DCAF5: variants seen among roughly 807,000 people sequenced by gnomAD.
DCAF5 encodes DDB1- and CUL4-associated factor 5.
DCAF5 carries 9 observed loss-of-function variants against 80.7 expected under a neutral mutation model. The ratio of observed to expected loss-of-function variants is 0.11; its 90% CI spans 0.07 to 0.19. The LOEUF (loss-of-function observed/expected upper bound fraction) is 0.19. Ranked by LOEUF, DCAF5 falls within the 10% of genes least tolerant of loss-of-function variation. The pLI, the probability that DCAF5 is intolerant of heterozygous loss-of-function variation, is 1.00. For synonymous variants in DCAF5, 433 were observed against 461.9 expected (o/e 0.94, Z 0.80); for missense variants, 842 against 1,205.7 (o/e 0.70, Z 4.47).
chr14:69,132,002 C>A (rs1175798639), intron 1 of DCAF5, among the ~76,000 whole-genome samples: 1 of 152,124 alleles, frequency 6.6e-6, no homozygotes, highest in East Asian at 1.9e-4. Flanking sequence ...AATACTATTT[C>A]ATTGTATGTA....
chr14:69,063,067 T>C (rs1456217982), intron 7 of DCAF5, among the ~76,000 whole-genome samples: 2 of 152,180 alleles, frequency 1.3e-5, no homozygotes, highest in Non-Finnish European at 2.9e-5. Flanking sequence ...TTCCCCCCGA[T>C]AGCAGGGAGA....
intron 8 of DCAF5, among the ~76,000 whole-genome samples, chr14:69,059,577 C>G (rs2038123383): frequency 6.6e-6 from 1 of 152,178 alleles, no homozygotes; most frequent in South Asian, 2.1e-4. Flanking sequence ...GACTCAGCGG[C>G]CTTTCAGGAT....
At chr14:69,102,336 C>A (rs1262005981) in intron 5 of DCAF5, among the ~76,000 whole-genome samples, 2 of 151,438 alleles carry the variant, frequency 1.3e-5, no homozygotes, top group African/African-American at 4.8e-5. Flanking sequence ...CTCGAACTCC[C>A]GACCTCAAGT....
In DCAF5 at chr14:69,152,073, G is replaced by A. The variant is rs2041724414; in HGVS notation, c.214+692C>T. On this transcript the variant is annotated intron_variant, in intron 1 of 8. Transcript: ENST00000341516. The surrounding 1 kb of genome is among the most constrained non-coding windows in gnomAD (Gnocchi z 4.1). ...CAAGTTGCGCATTCAAGTTCAGGCT[G>A]GTGCCCTTTAGCCTCCACAGCCCTC... Among the ~76,000 whole-genome samples the A allele has an allele frequency of 6.6e-6, 1 of 152,210 alleles. No homozygotes were observed. Among genetic ancestry groups the A allele is most frequent in the Admixed American group, 6.5e-5 (1 of 15,288 alleles).
intron 1 of DCAF5, among the ~76,000 whole-genome samples, chr14:69,139,345 G>A (rs931541004): frequency 2.0e-5 from 3 of 151,864 alleles, no homozygotes; most frequent in African/African-American, 7.3e-5. Context: ...TTAGCTGGAC[G>A]TGGTGATGCA....
rs997781667 is a variant in DCAF5, at chr14:69,100,825, C to A, written c.666-8938G>T. On this transcript the variant is annotated intron_variant, in intron 5 of 8. Coordinates refer to ENST00000341516, the MANE Select transcript of DCAF5 (RefSeq NM_003861.3). Reference sequence around the variant, plus strand: ...AGCCAAGATTATTATTGAGAGTATACTAAGAAGTCCCTATCTAAAATATGT... The same window carrying A: ...AGCCAAGATTATTATTGAGAGTATAATAAGAAGTCCCTATCTAAAATATGT... Among the ~76,000 whole-genome samples, 10 of 152,104 alleles carry A rather than the reference C, an allele frequency of 6.6e-5. No homozygotes were observed. The East Asian group carries it at 1.9e-3, about 29-fold the overall frequency.
At position 69,123,567 on chromosome 14, in the gene DCAF5, A is replaced by G. The variant is rs991357204; in HGVS notation, c.215-1207T>C. On this transcript the variant is annotated intron_variant, in intron 1 of 8. Transcript: ENST00000341516. ...CATTTTACCCATTTTCAAGTGTACA[A>G]TTCAGTGGCATTAAGTACATTTGTG... Among the ~76,000 whole-genome samples, 4 of 152,342 alleles carry G rather than the reference A, an allele frequency of 2.6e-5. No homozygotes were observed. The East Asian group carries it at 7.7e-4, about 29-fold the overall frequency.
chr14:69,076,930 A>T (rs2038922295), intron 6 of DCAF5, among the ~76,000 whole-genome samples: 1 of 152,202 alleles, frequency 6.6e-6, no homozygotes, highest in South Asian at 2.1e-4. Context: ...TCACCAACAT[A>T]GCCATGAATT....
At chr14:69,061,896 G>A (rs1243060316) in intron 8 of DCAF5, among the ~76,000 whole-genome samples, 1 of 152,164 alleles carries the variant, frequency 6.6e-6, no homozygotes, top group Non-Finnish European at 1.5e-5. Context: ...GTGCATGCCT[G>A]TAGTTCCAGC....
intron 5 of DCAF5, among the ~76,000 whole-genome samples, chr14:69,094,790 A>G (rs1186787261): frequency 3.3e-5 from 5 of 152,116 alleles, no homozygotes; most frequent in African/African-American, 1.2e-4. Context: ...AGGACTTTAA[A>G]AAATGTAGAT....
At chr14:69,077,669 G>A (rs980467656) in intron 6 of DCAF5, among the ~76,000 whole-genome samples, 3 of 152,054 alleles carry the variant, frequency 2.0e-5, no homozygotes, top group Non-Finnish European at 2.9e-5. Flanking sequence ...TAGGCTACAC[G>A]CCTAGCCAGG....
chr14:69,059,527 C>T (rs1437638011), intron 8 of DCAF5, among the ~76,000 whole-genome samples: 1 of 152,222 alleles, frequency 6.6e-6, no homozygotes, highest in African/African-American at 2.4e-5. Context: ...TCACTGTCAG[C>T]ACCCTCACTT....
chr14:69,105,769 C>T (rs1459508675), intron 5 of DCAF5, among the ~76,000 whole-genome samples: 1 of 151,118 alleles, frequency 6.6e-6, no homozygotes, highest in Admixed American at 6.6e-5. Context: ...TGGCATCAGA[C>T]TGAAGCCTCT....
chr14:69,102,497 A>G (rs958835531), intron 5 of DCAF5, among the ~76,000 whole-genome samples: 10 of 149,158 alleles, frequency 6.7e-5, no homozygotes, highest in African/African-American at 2.5e-4. Flanking sequence ...AAACAGGCAC[A>G]TTGTGCAGCT....
chr14:69,142,027 G>A (rs1206972236), intron 1 of DCAF5, among the ~76,000 whole-genome samples: 1 of 152,174 alleles, frequency 6.6e-6, no homozygotes, highest in African/African-American at 2.4e-5. Context: ...AGGTATGGTG[G>A]CTCACATCTG....
chr14:69,077,208 T>C (rs1213682267), intron 6 of DCAF5, among the ~76,000 whole-genome samples: 2 of 152,082 alleles, frequency 1.3e-5, no homozygotes, highest in Non-Finnish European at 1.5e-5. Flanking sequence ...GTTTTCCTTT[T>C]GTGTGTGTGT....
intron 5 of DCAF5, among the ~76,000 whole-genome samples, chr14:69,115,186 CA>C (rs1179954543): frequency 3.3e-5 from 5 of 152,192 alleles, no homozygotes; most frequent in South Asian, 2.1e-4. Context: ...AAAGGCACAT[CA>C]GGGGTCCTGC....
rs1485690452 is a variant in DCAF5 at position 69,051,527 on chromosome 14, A to G, written c.*2330T>C. ...CTAGGATGCTGGGAAGCCTCTGCCA[A>G]GGATGGAAGGCATACTTGCTAAAAA... is the stretch of plus-strand genomic sequence containing the variant. On this transcript the variant is annotated 3_prime_UTR_variant, in exon 9 of 9. Coordinates refer to ENST00000341516, the MANE Select transcript of DCAF5 (RefSeq NM_003861.3). The G allele has an allele frequency of 1.3e-5, 2 of 152,212 alleles. No homozygotes were observed. Among genetic ancestry groups the G allele is most frequent in the East Asian group, 3.9e-4 (2 of 5,188 alleles). The allele number at this position is 152,212 out of a possible 1,614,324, so 9.4% of individuals were successfully genotyped here. A position where few individuals can be genotyped will look rare whatever the true frequency, so the allele number is the denominator to read the frequency against.
intron 7 of DCAF5, among the ~76,000 whole-genome samples, chr14:69,074,520 T>G (rs2038825944): frequency 6.6e-6 from 1 of 152,146 alleles, no homozygotes; most frequent in African/African-American, 2.4e-5. Flanking sequence ...AGAATACAAT[T>G]ATAGCAAATG....
Sources: gnomAD v4.1 joint callset for allele counts (sites outside exome capture counted in the v4.1 genomes callset) on GRCh38, gnomAD v4.1.1 for gene constraint, Gnocchi (gnomAD v3.1) non-coding constraint, MANE v1.5 for transcripts, NCBI Gene and HGNC (gene_info 2026-07-23, HGNC 2026-07-21) for gene names.